TMSB4X: variants seen among roughly 807,000 people sequenced by gnomAD.
The protein encoded by TMSB4X is thymosin beta-4.
A neutral mutation model predicts 3.6 loss-of-function variants in TMSB4X; 1 was observed. That is an observed-to-expected ratio of 0.28 (90% CI 0.10 to 1.32). The LOEUF (loss-of-function observed/expected upper bound fraction) is 1.32, where lower values mean the gene tolerates loss of function less well. TMSB4X is among the 40% of genes most tolerant of loss of function. TMSB4X has a pLI of 0.45. For missense variants in TMSB4X, 6 were observed against 32.7 expected (o/e 0.18, Z 1.99); for synonymous variants, 12 against 14.3 (o/e 0.84, Z 0.36).
rs938309452 is a variant in TMSB4X, at chrX:12,976,582, A to G, written c.101-195A>G. ...AGTAATGGAATATTTAATATGCCATATTAATATACAAACATTTATCCATTA... is the reference window on the plus strand; with the variant it reads ...AGTAATGGAATATTTAATATGCCATGTTAATATACAAACATTTATCCATTA... On this transcript the variant is annotated intron_variant, in intron 2 of 2. Coordinates refer to ENST00000451311, the MANE Select transcript of TMSB4X (RefSeq NM_021109.4). 2.7e-5 allele frequency among the ~76,000 whole-genome samples: 3 copies of G among 112,318 alleles called. No homozygotes were observed. The Admixed American group carries it at 2.8e-4, about 11-fold the overall frequency.
chrX:12,975,294 A>T (rs746694203), intron 1 of TMSB4X, 126 bp downstream of exon 1: 1 of 113,171 alleles, frequency 8.8e-6, no homozygotes, highest in African/African-American at 3.3e-5. Context: ...CGGGAAGGCT[A>T]CTTTGGGGAG....
chrX:12,975,873 T>A (rs753160675), intron 1 of TMSB4X: 1 of 117,858 alleles, frequency 8.5e-6, no homozygotes, highest in Non-Finnish European at 1.8e-5. Flanking sequence ...TTTTAGGAAT[T>A]CTTGCCGATT....
rs1281444316 is a variant in TMSB4X at position 12,976,964 on chromosome X, C to G, written c.*153C>G. Reference sequence around the variant, plus strand: ...TTTCACATCAAAGAACTACTGACAACGAAGGCCGCGCCTGCCTTTCCCATC... The same window carrying G: ...TTTCACATCAAAGAACTACTGACAAGGAAGGCCGCGCCTGCCTTTCCCATC... On this transcript the variant is annotated 3_prime_UTR_variant, in exon 3 of 3. Coordinates refer to ENST00000451311, the MANE Select transcript of TMSB4X (RefSeq NM_021109.4). The G allele has an allele frequency of 3.1e-6, 2 of 642,436 alleles. No individual in the cohort carries two copies. Among genetic ancestry groups the G allele is most frequent in the Non-Finnish European group, 4.8e-6 (2 of 415,845 alleles). 52.9% of individuals were successfully genotyped at this position (642,436 alleles called of 1,213,427 possible).
chrX:12,976,237 T>TC lies in TMSB4X; in HGVS notation c.-16-6dup, dbSNP rs780832676. On this transcript the variant is annotated splice_polypyrimidine_tract_variant and intron_variant, in intron 1 of 2. Transcript: ENST00000451311. The stretch of plus-strand genomic sequence containing the variant: ...TTCCTCACGCTCGCTCTTGGCTTGC[T>TC]CCCTGCAGCTTTTCCTCCGCAACCA... 3.4e-6 allele frequency: 4 copies of TC among 1,189,510 alleles called. No homozygotes were observed. The East Asian group carries it at 1.2e-4, about 35-fold the overall frequency.
Position 12,976,865 on chromosome X carries a change from T to C in TMSB4X, c.*54T>C. 2.6e-6 allele frequency: 3 copies of C among 1,132,103 alleles called. No homozygotes were observed. Among genetic ancestry groups the C allele is most frequent in the African/African-American group, 1.8e-5 (1 of 55,422 alleles). The allele number at this position is 1,132,103 out of a possible 1,213,427, so 93.3% of individuals were successfully genotyped here. On this transcript the variant is annotated 3_prime_UTR_variant, in exon 3 of 3. Transcript: ENST00000451311. ...ACATTCCACAAGCATTGCCTTCTTA[T>C]TTTACTTCTTTTAGCTGTTTAACTT...
intron 1 of TMSB4X, 200 bp downstream of exon 1, chrX:12,975,368 C>T (rs774571139): frequency 8.8e-6 from 1 of 113,793 alleles, no homozygotes; most frequent in African/African-American, 3.2e-5. Context: ...GATTTAAGAA[C>T]AAAACCGAAA....
chrX:12,976,462 G>GA lies in TMSB4X; in HGVS notation c.100+102dup, dbSNP rs1310676528. 7.8e-5 allele frequency: 56 copies of GA among 717,855 alleles called. 1 individual carries two copies. Among genetic ancestry groups the GA allele is most frequent in the Non-Finnish European group, 1.1e-4 (54 of 470,003 alleles). The allele number at this position is 717,855 out of a possible 1,213,427, so 59.2% of individuals were successfully genotyped here. A position where few individuals can be genotyped will look rare whatever the true frequency, so the allele number is the denominator to read the frequency against. On this transcript the variant is annotated intron_variant, in intron 2 of 2. Transcript: ENST00000451311. ...GCCGCGGGAAGAATTCGGGAGGGGG[G>GA]AGTGCGGGGGAAGAGCCGACAGTTG...
chrX:12,976,444 G>A (rs2043296832), intron 2 of TMSB4X, 83 bp downstream of exon 2: 2 of 852,450 alleles, frequency 2.3e-6, no homozygotes, highest in Non-Finnish European at 3.4e-6. Flanking sequence ...GCGGCCGCGG[G>A]AAGAATTCGG....
chrX:12,976,559 T>G (rs1356254574), intron 2 of TMSB4X, among the ~76,000 whole-genome samples, 198 bp downstream of exon 2: 1 of 111,863 alleles, frequency 8.9e-6, no homozygotes, highest in Non-Finnish European at 1.9e-5. Flanking sequence ...AGTAATTTAG[T>G]AATGGAATAT....
intron 1 of TMSB4X, 118 bp from the exon 2 acceptor site, chrX:12,976,128 G>T: frequency 2.0e-6 from 1 of 509,593 alleles, no homozygotes; most frequent in Non-Finnish European, 3.4e-6. Flanking sequence ...GCAGCAGTAG[G>T]AGAGCGAGAA....
At chrX:12,975,514 C>A (rs926762319) in intron 1 of TMSB4X, 1 of 113,121 alleles carries the variant, frequency 8.8e-6, no homozygotes, top group Non-Finnish European at 1.9e-5. Context: ...GTTCATCTTC[C>A]GAGCCCCGAG....
chrX:12,976,807 C>A lies in TMSB4X; in HGVS notation c.131C>A (p.Ser44Ter). Residue 44 changes from serine to a stop codon, truncating the protein, a stop_gained, in exon 3 of 3, where the codon TCG becomes TAG. Transcript: ENST00000451311. LOFTEE classifies it high-confidence loss of function. ...GAACAGGAGAAGCAAGCAGGCGAAT[C>A]GTAATGAGGCGTGCGCCGCCAATAT... ...TIEQEKQAGE[S>*] The A allele has an allele frequency of 4.2e-6, 5 of 1,187,520 alleles. No homozygotes were observed. Among genetic ancestry groups the A allele is most frequent in the Non-Finnish European group, 5.6e-6 (5 of 885,906 alleles).
chrX:12,976,747 TC>T (rs2043298460), intron 2 of TMSB4X, 29 bp from the exon 3 acceptor site: 2 of 1,024,108 alleles, frequency 2.0e-6, no homozygotes, highest in South Asian at 4.1e-5. Context: ...TCTCCCTCCA[TC>T]TTTTTTTTTT....
At chrX:12,975,546 C>T (rs1602476267) in intron 1 of TMSB4X, 1 of 113,355 alleles carries the variant, frequency 8.8e-6, no homozygotes, top group South Asian at 3.5e-4. Flanking sequence ...CCTCGGACGG[C>T]TGCGCGGGCT....
intron 2 of TMSB4X, among the ~76,000 whole-genome samples, 196 bp from the exon 3 acceptor site, chrX:12,976,579 CAT>C (rs1483637764): frequency 9.0e-6 from 1 of 111,647 alleles, no homozygotes; most frequent in Non-Finnish European, 1.9e-5. Context: ...TTTAATATGC[CAT>C]ATTAATATAC....
chrX:12,975,496 G>A (rs1265959145), intron 1 of TMSB4X: 1 of 113,164 alleles, frequency 8.8e-6, no homozygotes, highest in Non-Finnish European at 1.9e-5. Flanking sequence ...CAAGTCCTTT[G>A]TTCTGAGGTT....
chrX:12,975,662 A>G (rs2147274599), intron 1 of TMSB4X: 1 of 113,727 alleles, frequency 8.8e-6, no homozygotes, highest in South Asian at 3.5e-4. Context: ...AGAGCAGGCA[A>G]GACCGGCTTC....
intron 1 of TMSB4X, chrX:12,976,028 G>A: frequency 2.7e-6 from 1 of 366,252 alleles, no homozygotes; most frequent in African/African-American, 2.6e-5. Flanking sequence ...CGCCCTCTTT[G>A]GTCCACAGCG....
chrX:12,976,664 C>A (rs1222362485), intron 2 of TMSB4X, 113 bp from the exon 3 acceptor site: 1 of 832,479 alleles, frequency 1.2e-6, no homozygotes, highest in Non-Finnish European at 1.7e-6. Flanking sequence ...TGTGGAATAC[C>A]GTGTAGAATG....
Sources: allele counts gnomAD v4.1 joint callset (sites outside exome capture counted in the v4.1 genomes callset), GRCh38; gene constraint gnomAD v4.1.1; transcripts MANE v1.5; gene names NCBI Gene and HGNC (gene_info 2026-07-23, HGNC 2026-07-21).